FGF18: variants seen among roughly 807,000 people sequenced by gnomAD.
FGF18 encodes the protein fibroblast growth factor 18.
Under a neutral mutation model 23.0 loss-of-function variants are expected in FGF18, and 5 were observed. That is an observed-to-expected ratio of 0.22 (90% confidence interval 0.11 to 0.46). The LOEUF (loss-of-function observed/expected upper bound fraction) is 0.46, where lower values mean the gene tolerates loss of function less well. FGF18 is among the 20% of genes least tolerant of loss of function. The pLI is 0.99. For missense variants in FGF18, 180 were observed against 291.6 expected (o/e 0.62, Z 2.79); for synonymous variants, 117 against 118.9 (o/e 0.98, Z 0.10).
intron 2 of FGF18, among the ~76,000 whole-genome samples, chr5:171,433,814 T>A (rs1039768268): frequency 1.9e-4 from 29 of 152,306 alleles, no homozygotes; most frequent in African/African-American, 6.7e-4. Flanking sequence ...TCAAAAGCAA[T>A]AGCATCTTCC....
chr5:171,420,572 C>T, intron 2 of FGF18, 129 bp downstream of exon 2: 1 of 908,966 alleles, frequency 1.1e-6, no homozygotes, highest in Non-Finnish European at 1.7e-6. Context: ...CACCTGTTCC[C>T]AGGGCGCGGA....
At chr5:171,439,647 T>C (rs1339639512) in intron 3 of FGF18, among the ~76,000 whole-genome samples, 1 of 152,106 alleles carries the variant, frequency 6.6e-6, no homozygotes, top group East Asian at 1.9e-4. Context: ...AGCTTCTTTA[T>C]CTGCCAAGTG....
intron 2 of FGF18, among the ~76,000 whole-genome samples, chr5:171,421,914 G>A (rs1398553964): frequency 1.3e-5 from 2 of 152,118 alleles, no homozygotes; most frequent in Admixed American, 1.3e-4. Context: ...GTCAAAGAGG[G>A]AGGCCAGTGC....
At chr5:171,442,663 C>G (rs1347348106) in intron 3 of FGF18, among the ~76,000 whole-genome samples, 2 of 152,214 alleles carry the variant, frequency 1.3e-5, no homozygotes, top group African/African-American at 4.8e-5. Context: ...CTCTTTGGGT[C>G]TTGTCCCCTG....
chr5:171,438,521 G>A (rs925184201), intron 3 of FGF18, among the ~76,000 whole-genome samples: 3 of 152,148 alleles, frequency 2.0e-5, no homozygotes, highest in African/African-American at 4.8e-5. Flanking sequence ...GTGCCTGGGC[G>A]GGGCCAGTGG....
At chr5:171,422,563 G>T (rs1331154722) in intron 2 of FGF18, among the ~76,000 whole-genome samples, 1 of 152,170 alleles carries the variant, frequency 6.6e-6, no homozygotes, top group Non-Finnish European at 1.5e-5. Flanking sequence ...TAAAGATAAA[G>T]AAATGTTATC....
chr5:171,438,327 C>A lies in FGF18; in HGVS notation c.250+2054C>A, dbSNP rs140210943. 1.8e-3 allele frequency among the ~76,000 whole-genome samples: 281 copies of A among 152,158 alleles called. 1 individual carries two copies. Among genetic ancestry groups the A allele is most frequent in the African/African-American group, 5.9e-3 (244 of 41,518 alleles). On this transcript the variant is annotated intron_variant, in intron 3 of 4. Coordinates refer to ENST00000274625, the MANE Select transcript of FGF18 (RefSeq NM_003862.3). The stretch of plus-strand genomic sequence containing the variant: ...ATGTTGGCCAGGGTGGTCTTGAACT[C>A]TTGACCTCAGGTGATCCACCCGCCT...
intron 2 of FGF18, among the ~76,000 whole-genome samples, chr5:171,431,975 G>A (rs533258192): frequency 1.9e-3 from 292 of 152,264 alleles, no homozygotes; most frequent in Non-Finnish European, 3.1e-3. Flanking sequence ...CTTGAACCGG[G>A]GAGGCGGAGG....
Position 171,449,081 on chromosome 5 carries a change from A to G in FGF18, c.251-66A>G, listed in dbSNP as rs571271571. ...GATAGGACCAGGGACCATGTCACTG[A>G]GCCTTTAGACCAAGCCATTGCCCCT... On this transcript the variant is annotated intron_variant, in intron 3 of 4. Coordinates refer to ENST00000274625, the MANE Select transcript of FGF18 (RefSeq NM_003862.3). 3 of 1,195,814 alleles carry G rather than the reference A, an allele frequency of 2.5e-6. No homozygotes were observed. In the East Asian group the frequency reaches 7.0e-5, roughly 28 times the overall value. 74.1% of individuals were successfully genotyped at this position (1,195,814 alleles called of 1,614,324 possible).
intron 3 of FGF18, among the ~76,000 whole-genome samples, chr5:171,441,799 G>C (rs958901653): frequency 6.6e-6 from 1 of 152,236 alleles, no homozygotes; most frequent in Non-Finnish European, 1.5e-5. Context: ...CCCTGTGTGT[G>C]TCAGGGTATG....
intron 3 of FGF18, among the ~76,000 whole-genome samples, chr5:171,439,406 T>C (rs1772301258): frequency 6.6e-6 from 1 of 152,190 alleles, no homozygotes; most frequent in Non-Finnish European, 1.5e-5. Context: ...GGCTGGAGGC[T>C]TAGGTAGTTG....
intron 2 of FGF18, among the ~76,000 whole-genome samples, chr5:171,427,264 G>A (rs1247881225): frequency 6.6e-6 from 1 of 152,172 alleles, no homozygotes; most frequent in Non-Finnish European, 1.5e-5. Context: ...GAACTAAGTG[G>A]GATATTGCAC....
At chr5:171,438,046 G>A (rs1772278198) in intron 3 of FGF18, among the ~76,000 whole-genome samples, 1 of 151,618 alleles carries the variant, frequency 6.6e-6, no homozygotes, top group Non-Finnish European at 1.5e-5. Flanking sequence ...CTGGGCCTTG[G>A]TTTCTCCTCT....
intron 2 of FGF18, among the ~76,000 whole-genome samples, chr5:171,427,206 GAAAA>G (rs569204143): frequency 7.6e-6 from 1 of 131,294 alleles, no homozygotes. Flanking sequence ...CTCCATCTGG[GAAAA>G]AAAAAAAAAA....
Position 171,443,501 on chromosome 5 carries a change from A to ATTTTTTTTT in FGF18, c.251-5623_251-5615dup, listed in dbSNP as rs59576538. On this transcript the variant is annotated intron_variant, in intron 3 of 4. Coordinates refer to ENST00000274625, the MANE Select transcript of FGF18 (RefSeq NM_003862.3). ...CAGATAAGTATTCACTGTTATCATC[A>ATTTTTTTTT]TTTTTTTTTTTTTTTTTTTTTTTTT... 1.6e-3 allele frequency among the ~76,000 whole-genome samples: 105 copies of ATTTTTTTTT among 63,762 alleles called. 20 individuals are homozygous for ATTTTTTTTT. Among genetic ancestry groups the ATTTTTTTTT allele is most frequent in the East Asian group, 4.1e-3 (6 of 1,456 alleles). 41.8% of individuals were successfully genotyped at this position (63,762 alleles called of 152,430 possible).
chr5:171,436,872 G>A lies in FGF18; in HGVS notation c.250+599G>A, dbSNP rs1772254708. ...CCTATGCTGCCTCTGCAATGGCTGG[G>A]AGGAGTGAGACATCCCAAGCCCCTG... On this transcript the variant is annotated intron_variant, in intron 3 of 4. Coordinates refer to ENST00000274625, the MANE Select transcript of FGF18 (RefSeq NM_003862.3). This position sits in a 1 kb window ranked among gnomAD's most constrained non-coding sequence, Gnocchi z 4.4. 6.6e-6 allele frequency among the ~76,000 whole-genome samples: 1 copy of A among 152,188 alleles called. No individual in the cohort carries two copies. Among genetic ancestry groups the A allele is most frequent in the Non-Finnish European group, 1.5e-5 (1 of 68,026 alleles).
In FGF18 at chr5:171,436,597, C is replaced by A; in HGVS notation, c.250+324C>A. On this transcript the variant is annotated intron_variant, in intron 3 of 4. Coordinates refer to ENST00000274625, the MANE Select transcript of FGF18 (RefSeq NM_003862.3). This position sits in a 1 kb window ranked among gnomAD's most constrained non-coding sequence, Gnocchi z 4.4. ...TGGCTGTTCCCATGCCACCACTCAC[C>A]AGCCCCAGGTTCAGCCACTTCAAGG... Among the ~76,000 whole-genome samples, 1 of 152,212 alleles carries A rather than the reference C, an allele frequency of 6.6e-6. No homozygotes were observed. Among genetic ancestry groups the A allele is most frequent in the Non-Finnish European group, 1.5e-5 (1 of 68,044 alleles).
intron 4 of FGF18, among the ~76,000 whole-genome samples, chr5:171,454,622 C>G (rs1006390924): frequency 2.0e-5 from 3 of 152,206 alleles, no homozygotes; most frequent in Non-Finnish European, 4.4e-5. Context: ...AGCACTTTGT[C>G]TGGAGGGCCC....
intron 3 of FGF18, among the ~76,000 whole-genome samples, chr5:171,441,557 G>A (rs1481687320): frequency 2.6e-5 from 4 of 152,180 alleles, no homozygotes; most frequent in Non-Finnish European, 5.9e-5. Context: ...GCTTCTGTAC[G>A]ATTGTCTCCT....
Sources: gnomAD v4.1 joint callset for allele counts (sites outside exome capture counted in the v4.1 genomes callset) on GRCh38, gnomAD v4.1.1 for gene constraint, Gnocchi (gnomAD v3.1) non-coding constraint, MANE v1.5 for transcripts, NCBI Gene and HGNC (gene_info 2026-07-23, HGNC 2026-07-21) for gene names.